ENOX1: variants seen among roughly 807,000 people sequenced by gnomAD.
The protein encoded by ENOX1 is ecto-NOX disulfide-thiol exchanger 1, also known as candidate growth-related and time keeping constitutive hydroquinone (NADH) oxidase.
In ENOX1, 42 loss-of-function variants were observed where a neutral mutation model predicts 82.5. The observed-to-expected ratio is 0.51, with a 90% CI of 0.40 to 0.66. The LOEUF is 0.66. ENOX1 is among the 30% of genes least tolerant of loss of function. The pLI is 0.00. For missense variants in ENOX1, 608 were observed against 811.6 expected (o/e 0.75, Z 3.05); for synonymous variants, 271 against 282.2 (o/e 0.96, Z 0.40).
intron 3 of ENOX1, among the ~76,000 whole-genome samples, chr13:43,422,419 C>T (rs760172672): frequency 6.6e-6 from 1 of 152,174 alleles, no homozygotes; most frequent in Non-Finnish European, 1.5e-5. Context: ...ATTTGGCATG[C>T]ACCACAGAGG....
chr13:43,449,420 A>G (rs1261838010), intron 3 of ENOX1, among the ~76,000 whole-genome samples: 1 of 152,194 alleles, frequency 6.6e-6, no homozygotes, highest in Admixed American at 6.5e-5. Context: ...GGGGAGCAAA[A>G]TCCTGCTACC....
chr13:43,620,760 C>A lies in ENOX1; in HGVS notation c.-219+46719G>T, dbSNP rs533610119. Among the ~76,000 whole-genome samples, 13 of 152,214 alleles carry A rather than the reference C, an allele frequency of 8.5e-5. No homozygotes were observed. The South Asian group carries it at 1.7e-3, about 19-fold the overall frequency. On this transcript the variant is annotated intron_variant, in intron 2 of 16. Coordinates refer to ENST00000690772, the MANE Select transcript of ENOX1 (RefSeq NM_001347969.2). Reference sequence around the variant, plus strand: ...ACTTTTCTGTATATATCTGTTAAGTCCATTTATTCCAAGGTATAGTTTAAA... The same window carrying A: ...ACTTTTCTGTATATATCTGTTAAGTACATTTATTCCAAGGTATAGTTTAAA...
chr13:43,651,417 C>T (rs890487111), intron 2 of ENOX1, among the ~76,000 whole-genome samples: 16 of 152,054 alleles, frequency 1.1e-4, no homozygotes, highest in African/African-American at 3.4e-4. Context: ...ACTTTGAGGC[C>T]GGGCATGTTG....
intron 2 of ENOX1, among the ~76,000 whole-genome samples, chr13:43,601,994 C>A (rs1331691172): frequency 6.6e-6 from 1 of 151,966 alleles, no homozygotes; most frequent in Admixed American, 6.6e-5. Context: ...GAGAAATAAA[C>A]TATACAAACA....
chr13:43,427,893 A>G (rs565813304), intron 3 of ENOX1, among the ~76,000 whole-genome samples: 9 of 152,334 alleles, frequency 5.9e-5, no homozygotes, highest in South Asian at 2.1e-4. Flanking sequence ...CCTGCTAGAC[A>G]TCTGCTTCTA....
intron 14 of ENOX1, among the ~76,000 whole-genome samples, chr13:43,263,596 T>A (rs1341917312): frequency 6.6e-6 from 1 of 152,268 alleles, no homozygotes; most frequent in African/African-American, 2.4e-5. Flanking sequence ...ATGTATCATC[T>A]AATTCAATCA....
In ENOX1 at chr13:43,214,118, A is replaced by C. The variant is rs771317844; in HGVS notation, c.1804T>G (p.Ser602Ala). The C allele has an allele frequency of 6.2e-7, 1 of 1,612,696 alleles. No homozygotes were observed. Among genetic ancestry groups the C allele is most frequent in the South Asian group, 1.1e-5 (1 of 90,804 alleles). ...AAAAGCATTTCTATTTCATTTGCAGATATCTGTTAGAAAGGAAGGAAAGTC... is the reference window on the plus strand; with the variant it reads ...AAAAGCATTTCTATTTCATTTGCAGCTATCTGTTAGAAAGGAAGGAAAGTC... Reference protein sequence around the residue: ...SYMQQLDSKISANEIEMLLMR... With the variant: ...SYMQQLDSKIAANEIEMLLMR... The change falls in exon 17 of 17, where the codon TCT (serine) becomes GCT (alanine). Residue 602 changes from serine (S) to alanine (A), a missense_variant. Coordinates refer to ENST00000690772, the MANE Select transcript of ENOX1 (RefSeq NM_001347969.2).
chr13:43,319,099 C>A (rs1322979071), intron 11 of ENOX1, among the ~76,000 whole-genome samples: 2 of 152,062 alleles, frequency 1.3e-5, no homozygotes, highest in Non-Finnish European at 2.9e-5. Flanking sequence ...GGCTTCATTT[C>A]AGTAGGAGGC....
chr13:43,303,962 G>A (rs2046725159), intron 11 of ENOX1, among the ~76,000 whole-genome samples: 2 of 152,200 alleles, frequency 1.3e-5, no homozygotes, highest in African/African-American at 4.8e-5. Context: ...TGGGGTTGTG[G>A]TTGGCTTGTT....
chr13:43,307,535 T>C (rs772414193), intron 11 of ENOX1, among the ~76,000 whole-genome samples: 4 of 152,202 alleles, frequency 2.6e-5, no homozygotes, highest in Non-Finnish European at 5.9e-5. Flanking sequence ...TTAGATTTCT[T>C]TCATTAGTTT....
At chr13:43,520,911 C>T (rs906442066) in intron 2 of ENOX1, among the ~76,000 whole-genome samples, 1 of 152,058 alleles carries the variant, frequency 6.6e-6, no homozygotes, top group Non-Finnish European at 1.5e-5. Context: ...TATGATTCTT[C>T]CAACTTAGCT....
At chr13:43,764,649 T>G (rs1242681186) in intron 1 of ENOX1, among the ~76,000 whole-genome samples, 2 of 151,950 alleles carry the variant, frequency 1.3e-5, no homozygotes, top group Non-Finnish European at 2.9e-5. Flanking sequence ...ACGGAAAGGT[T>G]TGTTCTTTAC....
chr13:43,565,758 C>T (rs2079890199), intron 2 of ENOX1, among the ~76,000 whole-genome samples: 1 of 152,110 alleles, frequency 6.6e-6, no homozygotes, highest in South Asian at 2.1e-4. Flanking sequence ...CAAGGGTGAG[C>T]TATGTATAAA....
intron 14 of ENOX1, among the ~76,000 whole-genome samples, chr13:43,251,890 G>A (rs2043475679): frequency 6.6e-6 from 1 of 152,118 alleles, no homozygotes; most frequent in South Asian, 2.1e-4. Flanking sequence ...AAATGGTCAG[G>A]AATGATATAT....
At chr13:43,332,978 T>A (rs1056720335) in intron 9 of ENOX1, among the ~76,000 whole-genome samples, 1 of 152,152 alleles carries the variant, frequency 6.6e-6, no homozygotes, top group Non-Finnish European at 1.5e-5. Flanking sequence ...GAAAATAAGG[T>A]TATGCATATA....
At chr13:43,548,189 C>T (rs2079046846) in intron 2 of ENOX1, 1 of 152,154 alleles carries the variant, frequency 6.6e-6, no homozygotes, top group African/African-American at 2.4e-5. Context: ...TTTCAGAAGG[C>T]ATAGTTATTT....
At chr13:43,648,115 C>T (rs1430130494) in intron 2 of ENOX1, among the ~76,000 whole-genome samples, 1 of 152,204 alleles carries the variant, frequency 6.6e-6, no homozygotes, top group Non-Finnish European at 1.5e-5. Context: ...GTTGTTCAAG[C>T]CACTGGGTTT....
intron 1 of ENOX1, among the ~76,000 whole-genome samples, chr13:43,755,166 T>C (rs776430397): frequency 6.6e-6 from 1 of 152,170 alleles, no homozygotes; most frequent in Non-Finnish European, 1.5e-5. Context: ...CAATGCATGT[T>C]CCTCATTTCC....
chr13:43,389,057 T>C (rs2052604789), intron 5 of ENOX1, among the ~76,000 whole-genome samples: 1 of 152,150 alleles, frequency 6.6e-6, no homozygotes, highest in African/African-American at 2.4e-5. Context: ...ATAACAAAAG[T>C]AATTTTAATT....
Sources: allele counts gnomAD v4.1 joint callset (sites outside exome capture counted in the v4.1 genomes callset), GRCh38; gene constraint gnomAD v4.1.1; transcripts MANE v1.5; gene names NCBI Gene and HGNC (gene_info 2026-07-23, HGNC 2026-07-21).